The following MICAL3 variants were observed in gnomAD, a reference collection of about 807,000 sequenced individuals.
MICAL3 encodes the protein microtubule associated monooxygenase, calponin and LIM domain containing 3, also known as [F-actin]-monooxygenase MICAL3.
A neutral mutation model predicts 207.4 loss-of-function variants in MICAL3; 62 were observed. The ratio of observed to expected loss-of-function variants is 0.30; its 90% CI spans 0.24 to 0.37. The LOEUF (loss-of-function observed/expected upper bound fraction) is 0.37. MICAL3 is among the 10% of genes least tolerant of loss of function. The pLI is 1.00. For synonymous variants in MICAL3, 1,077 were observed against 1,069.3 expected, an observed-to-expected ratio of 1.01 and a Z score of -0.14; for missense variants, 2,368 against 2,635.6, an observed-to-expected ratio of 0.90 and a Z score of 2.22.
intron 1 of MICAL3, among the ~76,000 whole-genome samples, chr22:17,997,885 C>A (rs1389904212): frequency 1.3e-5 from 2 of 151,108 alleles, no homozygotes; most frequent in Non-Finnish European, 2.9e-5. Context: ...ACCTAGTCAT[C>A]AGAAAAGCAC....
intron 1 of MICAL3, among the ~76,000 whole-genome samples, chr22:17,991,785 G>A (rs1266074960): frequency 6.6e-6 from 1 of 152,144 alleles, no homozygotes; most frequent in Non-Finnish European, 1.5e-5. Flanking sequence ...AGTCCTATTA[G>A]GCCTTTTCCC....
At chr22:17,858,087 C>G (rs1476325699) in intron 19 of MICAL3, among the ~76,000 whole-genome samples, 1 of 152,214 alleles carries the variant, frequency 6.6e-6, no homozygotes, top group African/African-American at 2.4e-5. Flanking sequence ...CTGGTAGAAC[C>G]CGGAAGTAAT....
chr22:17,790,622 C>T lies in MICAL3; in HGVS notation c.*110G>A, dbSNP rs933525986. ...TCCAAGCAGCACACGGGCATCTGAG[C>T]GTAAACTCCAAGGAGGTGCCAGGCC... On this transcript the variant is annotated 3_prime_UTR_variant, in exon 32 of 32. Transcript: ENST00000441493. 50 of 992,932 alleles carry T rather than the reference C, an allele frequency of 5.0e-5. No homozygotes were observed. The African/African-American group carries it at 6.2e-4, about 12-fold the overall frequency. 61.5% of individuals were successfully genotyped at this position (992,932 alleles called of 1,614,324 possible).
intron 1 of MICAL3, among the ~76,000 whole-genome samples, chr22:17,970,261 C>T (rs1257252555): frequency 6.6e-6 from 1 of 151,642 alleles, no homozygotes; most frequent in Non-Finnish European, 1.5e-5. Context: ...TGAGAATGGA[C>T]GCCAGGTTCT....
chr22:17,957,847 GGA>G, intron 1 of MICAL3, among the ~76,000 whole-genome samples: 1 of 152,268 alleles, frequency 6.6e-6, no homozygotes, highest in South Asian at 2.1e-4. Flanking sequence ...CAGGGAGCCT[GGA>G]GAGATCCCAC....
intron 1 of MICAL3, among the ~76,000 whole-genome samples, chr22:17,953,805 C>A (rs1024069670): frequency 6.6e-6 from 1 of 151,464 alleles, no homozygotes; most frequent in African/African-American, 2.4e-5. Flanking sequence ...GTGGTGCGTA[C>A]CTGTAATCCT....
chr22:17,810,343 A>C (rs571099826), intron 28 of MICAL3, among the ~76,000 whole-genome samples: 2 of 152,124 alleles, frequency 1.3e-5, no homozygotes, highest in South Asian at 2.1e-4. Context: ...GATTATAGGC[A>C]TGAGCCACCG....
intron 1 of MICAL3, among the ~76,000 whole-genome samples, chr22:18,021,868 A>G (rs1326232646): frequency 6.6e-6 from 1 of 152,174 alleles, no homozygotes; most frequent in African/African-American, 2.4e-5. Context: ...TATGAGGTGT[A>G]TGACTGAGCC....
intron 27 of MICAL3, among the ~76,000 whole-genome samples, chr22:17,816,186 G>C (rs1488782333): frequency 1.3e-5 from 2 of 152,234 alleles, no homozygotes; most frequent in African/African-American, 4.8e-5. Context: ...GGCTGAGTCA[G>C]ACCTAGCAGC....
At chr22:17,908,133 C>G (rs150059794) in intron 1 of MICAL3, among the ~76,000 whole-genome samples, 21 of 152,236 alleles carry the variant, frequency 1.4e-4, no homozygotes, top group African/African-American at 4.8e-4. Context: ...AAGGACAAAA[C>G]TAGTGAGTAG....
At chr22:17,876,462 C>G (rs1928352898) in intron 16 of MICAL3, 1 of 152,410 alleles carries the variant, frequency 6.6e-6, no homozygotes, top group Non-Finnish European at 1.5e-5. Context: ...CTGGCAGTTA[C>G]CTGGTACTTC....
At position 17,887,220 on chromosome 22, in the gene MICAL3, T is replaced by C. The variant is rs181026231; in HGVS notation, c.2017A>G (p.Lys673Glu). Residue 673 changes from lysine (K) to glutamate (E), a missense_variant, in exon 15 of 32, where the codon AAG becomes GAG. Transcript: ENST00000441493. The part of the protein sequence containing the change: ...RKRSPKDKKE[K>E]DLDGAGKRRK... ...CTCTTCCCAGCACCATCCAAGTCCTTTTCCTTTTTATCCTGTACCAAGGGA... is the reference window on the plus strand; with the variant it reads ...CTCTTCCCAGCACCATCCAAGTCCTCTTCCTTTTTATCCTGTACCAAGGGA... The C allele has an allele frequency of 8.3e-4, 1,346 of 1,613,642 alleles. 8 individuals carry two copies. The highest frequency in any genetic ancestry group is 4.7e-3 in the South Asian group (428 of 90,966).
intron 16 of MICAL3, among the ~76,000 whole-genome samples, chr22:17,880,804 T>A (rs1929344899): frequency 6.6e-6 from 1 of 152,184 alleles, no homozygotes. Context: ...GAAACTCACG[T>A]GGAGAAGCCC....
intron 1 of MICAL3, among the ~76,000 whole-genome samples, chr22:18,011,079 C>T (rs1195349351): frequency 6.6e-6 from 1 of 152,168 alleles, no homozygotes; most frequent in African/African-American, 2.4e-5. Flanking sequence ...CTGCTTTTGG[C>T]CCTGCTTGGA....
chr22:17,797,599 G>A (rs2061889826), intron 29 of MICAL3, among the ~76,000 whole-genome samples: 3 of 152,140 alleles, frequency 2.0e-5, no homozygotes, highest in Admixed American at 2.0e-4. Context: ...GTGGGTGCTG[G>A]CTTGATGCTC....
Position 17,976,533 on chromosome 22 carries a change from A to ATGTGTGTGTGTGTGTGTGTG in MICAL3, c.-75+47747_-75+47748insCACACACACACACACACACA, listed in dbSNP as rs1278243661. 1.0e-4 allele frequency among the ~76,000 whole-genome samples: 12 copies of ATGTGTGTGTGTGTGTGTGTG among 115,544 alleles called. 1 individual carries two copies. The highest frequency in any genetic ancestry group is 4.2e-4 in the African/African-American group (12 of 28,580). The allele number at this position is 115,544 out of a possible 152,430, so 75.8% of individuals were successfully genotyped here. On this transcript the variant is annotated intron_variant, in intron 1 of 31. Coordinates refer to ENST00000441493, the MANE Select transcript of MICAL3 (RefSeq NM_015241.3). Reference sequence around the variant, plus strand: ...AATATACATGTATATATGTGTATATATATGTGTGTGTGTGTGTGTGTGTGT... The same window carrying ATGTGTGTGTGTGTGTGTGTG: ...AATATACATGTATATATGTGTATATATGTGTGTGTGTGTGTGTGTGTATGTGTGTGTGTGTGTGTGTGTGT...
At chr22:17,863,708 C>T (rs573275468) in intron 19 of MICAL3, 63 of 985,414 alleles carry the variant, frequency 6.4e-5, no homozygotes, top group Middle Eastern at 5.2e-4. Flanking sequence ...AGCCTCTGGG[C>T]GCATCTTCCC....
rs1411749382 is a variant in MICAL3 at position 17,900,428 on chromosome 22, C to T, written c.847+414G>A. On this transcript the variant is annotated intron_variant, in intron 6 of 31. Transcript: ENST00000441493. The surrounding 1 kb of genome is among the most constrained non-coding windows in gnomAD (Gnocchi z 4.0). ...GCAGCCCGGGCAACATGGCGAAACT[C>T]CGTCTCTACAAGTAATACGAAAAAT... is the stretch of plus-strand genomic sequence containing the variant. Among the ~76,000 whole-genome samples the T allele has an allele frequency of 2.0e-5, 3 of 152,146 alleles. No homozygotes were observed. The highest frequency in any genetic ancestry group is 4.4e-5 in the Non-Finnish European group (3 of 68,028).
At chr22:17,819,630 TCAAA>T (rs1355053759) in intron 25 of MICAL3, among the ~76,000 whole-genome samples, 1 of 152,028 alleles carries the variant, frequency 6.6e-6, no homozygotes, top group African/African-American at 2.4e-5. Flanking sequence ...TCCAAGAGCC[TCAAA>T]CAAAGCCTCC....
Sources: allele counts gnomAD v4.1 joint callset (sites outside exome capture counted in the v4.1 genomes callset), GRCh38; gene constraint gnomAD v4.1.1; non-coding constraint Gnocchi (gnomAD v3.1); transcripts MANE v1.5; gene names NCBI Gene and HGNC (gene_info 2026-07-23, HGNC 2026-07-21).